Variants in CPS1 observed in about 807,000 individuals in gnomAD.
CPS1 encodes carbamoyl-phosphate synthase 1, also known as carbamoyl-phosphate synthase [ammonia], mitochondrial.
Under a neutral mutation model 174.6 loss-of-function variants are expected in CPS1, and 109 were observed. The observed-to-expected ratio is 0.62, with a 90% CI of 0.53 to 0.73. CPS1 has a LOEUF of 0.73. CPS1 is among the 30% of genes least tolerant of loss of function. CPS1 has a pLI of 0.00. For missense variants in CPS1, 1,689 were observed against 1,821.9 expected, an observed-to-expected ratio of 0.93 and a Z score of 1.33; for synonymous variants, 637 against 632.0, an observed-to-expected ratio of 1.01 and a Z score of -0.12.
intron 1 of CPS1, among the ~76,000 whole-genome samples, chr2:210,571,852 AGTTTGT>A (rs1483345723): frequency 1.6e-5 from 2 of 121,846 alleles, no homozygotes; most frequent in Non-Finnish European, 3.4e-5. Flanking sequence ...TGCCTACTAA[AGTTTGT>A]GTGTGTGTGT....
At chr2:210,477,886 A>G (rs1054819481) in intron 1 of CPS1, 53 of 1,121,204 alleles carry the variant, frequency 4.7e-5, no homozygotes, top group Non-Finnish European at 6.7e-5. Context: ...TAATGATTAA[A>G]GGCTATCCAT....
chr2:210,589,514 A>C (rs1372694758), intron 7 of CPS1, among the ~76,000 whole-genome samples: 1 of 152,030 alleles, frequency 6.6e-6, no homozygotes, highest in Admixed American at 6.6e-5. Flanking sequence ...AAATGGATTT[A>C]TATCTTTTTG....
At chr2:210,556,483 G>A (rs1225176988), upstream of CPS1, 8 of 1,045,514 alleles carry the variant, frequency 7.7e-6, no homozygotes, top group Non-Finnish European at 1.1e-5. Context: ...TATTTGATGT[G>A]TTGCAATTTG....
intron 21 of CPS1, among the ~76,000 whole-genome samples, chr2:210,631,935 G>A (rs991406220): frequency 2.0e-5 from 3 of 152,170 alleles, no homozygotes; most frequent in Non-Finnish European, 4.4e-5. Flanking sequence ...GTGTGCTTTT[G>A]TGCAATATGC....
intron 36 of CPS1, among the ~76,000 whole-genome samples, chr2:210,676,392 A>G (rs899933549): frequency 2.0e-5 from 3 of 152,156 alleles, no homozygotes; most frequent in Admixed American, 1.3e-4. Context: ...CATTGCATCA[A>G]CCCTTAAAGA....
At chr2:210,638,240 C>A (rs1253511875) in intron 22 of CPS1, among the ~76,000 whole-genome samples, 2 of 152,134 alleles carry the variant, frequency 1.3e-5, no homozygotes, top group African/African-American at 4.8e-5. Context: ...TAGTTATCTC[C>A]TTTGGCAGTA....
At chr2:210,563,890 C>T (rs1697192386) in intron 1 of CPS1, among the ~76,000 whole-genome samples, 1 of 152,154 alleles carries the variant, frequency 6.6e-6, no homozygotes, top group South Asian at 2.1e-4. Context: ...CTGTGTGACT[C>T]TCATTAATAG....
intron 21 of CPS1, among the ~76,000 whole-genome samples, chr2:210,621,692 G>T (rs902252480): frequency 6.6e-6 from 1 of 151,948 alleles, no homozygotes; most frequent in Non-Finnish European, 1.5e-5. Flanking sequence ...AGGAAATGCA[G>T]GTACCATAAA....
At chr2:210,668,322 A>G in intron 34 of CPS1, 38 bp downstream of exon 34, 1 of 1,369,122 alleles carries the variant, frequency 7.3e-7, no homozygotes, top group Non-Finnish European at 1.0e-6. Context: ...CCATGGTCAT[A>G]CATGGTGAGT....
Position 210,562,036 on chromosome 2 carries a change from G to A in CPS1, c.126+5177G>A, listed in dbSNP as rs541211978. ...TACAGTAAAAATTAGCTTATGATATGTAGGTTCCTCCAGGATTCTGAACAA... is the reference window on the plus strand; with the variant it reads ...TACAGTAAAAATTAGCTTATGATATATAGGTTCCTCCAGGATTCTGAACAA... On this transcript the variant is annotated intron_variant, in intron 1 of 37. Transcript: ENST00000233072. Among the ~76,000 whole-genome samples, 3 of 152,224 alleles carry A rather than the reference G, an allele frequency of 2.0e-5. No homozygotes were observed. The East Asian group carries it at 5.8e-4, about 29-fold the overall frequency.
chr2:210,649,742 C>A (rs1454511846), intron 27 of CPS1, among the ~76,000 whole-genome samples: 3 of 152,148 alleles, frequency 2.0e-5, no homozygotes, highest in Non-Finnish European at 4.4e-5. Context: ...CTCTCCTACC[C>A]TCCCAACCCA....
At position 210,591,847 on chromosome 2, in the gene CPS1, G is replaced by C; in HGVS notation, c.964G>C (p.Val322Leu). The C allele has an allele frequency of 6.2e-7, 1 of 1,612,338 alleles. No homozygotes were observed. Among genetic ancestry groups the C allele is most frequent in the Non-Finnish European group, 8.5e-7 (1 of 1,178,972 alleles). The change falls in exon 10 of 38, where the codon GTT (valine) becomes CTT (leucine). Residue 322 changes from valine to leucine, a missense_variant. Val to Leu is a conservative substitution (Grantham distance 32, BLOSUM62 1). Coordinates refer to ENST00000233072, the MANE Select transcript of CPS1 (RefSeq NM_001875.5). The part of the protein sequence containing the change: ...SMANRGQNQP[V>L]LNITNKQAFI... Reference sequence around the variant, plus strand: ...TCTCTCCAGAGGGCAGAATCAGCCTGTTTTGAATATCACAAACAAACAGGC... The same window carrying C: ...TCTCTCCAGAGGGCAGAATCAGCCTCTTTTGAATATCACAAACAAACAGGC...
At chr2:210,540,991 T>G (rs1239074542) in intron 1 of CPS1, among the ~76,000 whole-genome samples, 1 of 152,184 alleles carries the variant, frequency 6.6e-6, no homozygotes, top group African/African-American at 2.4e-5. Context: ...ACCTCCCATC[T>G]TTTTGACTCA....
intron 1 of CPS1, among the ~76,000 whole-genome samples, chr2:210,501,395 A>G (rs765759506): frequency 2.2e-4 from 33 of 152,264 alleles, no homozygotes; most frequent in South Asian, 8.3e-4. Context: ...CCAAACTTTT[A>G]TGCTCTGCTT....
intron 1 of CPS1, among the ~76,000 whole-genome samples, chr2:210,572,196 G>A (rs1697523056): frequency 6.6e-6 from 1 of 151,826 alleles, no homozygotes; most frequent in African/African-American, 2.4e-5. Context: ...GAATATTACA[G>A]TGTATATCTT....
chr2:210,651,618 T>C (rs1009650774), intron 28 of CPS1, among the ~76,000 whole-genome samples: 2 of 152,218 alleles, frequency 1.3e-5, no homozygotes, highest in Admixed American at 1.3e-4. Flanking sequence ...GAACACTCCT[T>C]ATAGGATCTC....
At chr2:210,581,621 C>T (rs1050451267) in intron 5 of CPS1, among the ~76,000 whole-genome samples, 1 of 152,078 alleles carries the variant, frequency 6.6e-6, no homozygotes, top group African/African-American at 2.4e-5. Context: ...TACAGGCCAC[C>T]ATGAAATGTA....
intron 9 of CPS1, among the ~76,000 whole-genome samples, chr2:210,591,592 G>A (rs778464684): frequency 2.0e-4 from 31 of 151,878 alleles, no homozygotes; most frequent in Non-Finnish European, 3.1e-4. Flanking sequence ...TTCTAAAACC[G>A]ATTATAGAAT....
chr2:210,611,047 G>A (rs144049294), intron 19 of CPS1, among the ~76,000 whole-genome samples: 1 of 151,778 alleles, frequency 6.6e-6, no homozygotes, highest in East Asian at 2.0e-4. Flanking sequence ...CCATGCCCAG[G>A]CTAGACAATC....
Sources: allele counts gnomAD v4.1 joint callset (sites outside exome capture counted in the v4.1 genomes callset), GRCh38; gene constraint gnomAD v4.1.1; transcripts MANE v1.5; gene names NCBI Gene and HGNC (gene_info 2026-07-23, HGNC 2026-07-21).